CEP83: variants seen among roughly 807,000 people sequenced by gnomAD.
CEP83 encodes centrosomal protein 83.
A neutral mutation model predicts 101.9 loss-of-function variants in CEP83; 70 were observed. That is an observed-to-expected ratio of 0.69 (90% confidence interval 0.57 to 0.84). The LOEUF (loss-of-function observed/expected upper bound fraction) is 0.84. Among genes scored for constraint, CEP83 ranks in the 40% least tolerant of loss-of-function variants. The pLI, the probability that CEP83 is intolerant of heterozygous loss-of-function variation, is 0.00. For synonymous variants in CEP83, 264 were observed against 267.9 expected (o/e 0.99, Z 0.14); for missense variants, 715 against 787.2 (o/e 0.91, Z 1.10).
At chr12:94,271,086 CTCTCTT>C in the CEP83 span, among the ~76,000 whole-genome samples, 1 of 152,166 alleles carries the variant, frequency 6.6e-6, no homozygotes, top group African/African-American at 2.4e-5. Context: ...CTTGTTTCTT[CTCTCTT>C]TAATTCAGGT....
rs540946105 is a variant in CEP83 at position 94,352,086 on chromosome 12, C to T, written c.1343+15708G>A. On this transcript the variant is annotated intron_variant, in intron 11 of 16. Coordinates refer to ENST00000397809, the MANE Select transcript of CEP83 (RefSeq NM_016122.3). ...AGCTACTCCATAAAATAGAAAGAGA[C>T]AACTATTCTACCAGATGCACCCATA... is the stretch of plus-strand genomic sequence containing the variant. Among the ~76,000 whole-genome samples the T allele has an allele frequency of 2.9e-4, 44 of 152,246 alleles. No individual in the cohort carries two copies. In the South Asian group the frequency reaches 8.5e-3, roughly 29 times the overall value.
At chr12:94,328,907 T>C (rs143702344) in intron 14 of CEP83, among the ~76,000 whole-genome samples, 322 of 152,352 alleles carry the variant, frequency 2.1e-3, no homozygotes, top group Middle Eastern at 3.4e-3. Flanking sequence ...TGCTAACTTG[T>C]AAAAGCTATT....
the CEP83 span, among the ~76,000 whole-genome samples, chr12:94,300,331 G>A: frequency 6.6e-6 from 1 of 152,136 alleles, no homozygotes; most frequent in Admixed American, 6.5e-5. Context: ...AGAGGAGAGG[G>A]CATAAACCAT....
At chr12:94,456,707 A>G (rs1177032366) in intron 1 of CEP83, among the ~76,000 whole-genome samples, 1 of 152,202 alleles carries the variant, frequency 6.6e-6, no homozygotes, top group African/African-American at 2.4e-5. Flanking sequence ...AACCGCCGCC[A>G]TGATCCAATT....
intron 6 of CEP83, among the ~76,000 whole-genome samples, chr12:94,385,644 A>C (rs2062100186): frequency 1.3e-5 from 2 of 152,212 alleles, no homozygotes; most frequent in South Asian, 4.1e-4. Context: ...TTCACCAATG[A>C]ACCCACCTGG....
At chr12:94,309,501 A>C (rs1029636130) in intron 16 of CEP83, among the ~76,000 whole-genome samples, 6 of 152,216 alleles carry the variant, frequency 3.9e-5, no homozygotes, top group African/African-American at 1.4e-4. Context: ...TTATCTATGA[A>C]TTAGGAATAG....
Position 94,367,856 on chromosome 12 carries a change from T to G in CEP83, c.1281A>C (p.Glu427Asp), listed in dbSNP as rs375801758. 1 of 1,613,816 alleles carries G rather than the reference T, an allele frequency of 6.2e-7. No homozygotes were observed. The highest frequency in any genetic ancestry group is 8.5e-7 in the Non-Finnish European group (1 of 1,179,850). ...CCATCTGTGAAGCCCGCAATTTCTC[T>G]TCATACTGATCCTTTTCAGATTGCC... is the stretch of plus-strand genomic sequence containing the variant. ...VWRQSEKDQY[E>D]EKLRASQMAE... Residue 427 changes from glutamate to aspartate, a missense_variant, in exon 11 of 17, where the codon GAA becomes GAC. By Grantham distance (45) the Glu-to-Asp change is conservative (BLOSUM62 2). Coordinates refer to ENST00000397809, the MANE Select transcript of CEP83 (RefSeq NM_016122.3).
intron 6 of CEP83, among the ~76,000 whole-genome samples, chr12:94,396,919 T>A (rs2062936068): frequency 6.6e-6 from 1 of 152,256 alleles, no homozygotes; most frequent in Non-Finnish European, 1.5e-5. Context: ...GTTTTCAAAC[T>A]AAATTTGTTG....
chr12:94,424,539 G>C, intron 2 of CEP83: 1 of 1,613,670 alleles, frequency 6.2e-7, no homozygotes, highest in Non-Finnish European at 8.5e-7. Context: ...TCCATTGACA[G>C]TGGGAGGTTT....
chr12:94,388,856 G>A (rs2062331531), intron 6 of CEP83, among the ~76,000 whole-genome samples: 1 of 152,228 alleles, frequency 6.6e-6, no homozygotes, highest in Non-Finnish European at 1.5e-5. Flanking sequence ...GCTGGGTGCA[G>A]TGGCTCATGC....
At chr12:94,394,559 G>A (rs1163300520) in intron 6 of CEP83, among the ~76,000 whole-genome samples, 1 of 152,154 alleles carries the variant, frequency 6.6e-6, no homozygotes, top group African/African-American at 2.4e-5. Flanking sequence ...CAGGACATAG[G>A]CATGGGCAAG....
intron 2 of CEP83, among the ~76,000 whole-genome samples, chr12:94,433,157 T>C (rs2065766931): frequency 6.6e-6 from 1 of 152,206 alleles, no homozygotes; most frequent in Admixed American, 6.5e-5. Flanking sequence ...CTGGAATTTA[T>C]TCCATGGTCT....
In CEP83 at chr12:94,355,074, A is replaced by G. The variant is rs192971520; in HGVS notation, c.1343+12720T>C. ...ATAAAAATAAAAATGCAACATACCC[A>G]AAACCTATGCAATGAATACCACAAA... On this transcript the variant is annotated intron_variant, in intron 11 of 16. Transcript: ENST00000397809. 3.3e-5 allele frequency among the ~76,000 whole-genome samples: 5 copies of G among 152,276 alleles called. No individual in the cohort carries two copies. The East Asian group carries it at 9.6e-4, about 29-fold the overall frequency.
intron 11 of CEP83, among the ~76,000 whole-genome samples, chr12:94,365,373 T>C (rs1340808635): frequency 6.6e-6 from 1 of 152,226 alleles, no homozygotes; most frequent in Non-Finnish European, 1.5e-5. Context: ...GCGTATGATT[T>C]ACCTTTTGAC....
rs1332127700 is a variant in CEP83 at position 94,308,603 on chromosome 12, ATC to A, written c.*208_*209del. The A allele has an allele frequency of 3.4e-5, 12 of 347,826 alleles. No individual in the cohort carries two copies. The highest frequency in any genetic ancestry group is 1.9e-4 in the Admixed American group (4 of 21,484). The allele number at this position is 347,826 out of a possible 1,614,324, so 21.5% of individuals were successfully genotyped here. ...CAAACCATTGTCAAATATTCTAAAT[ATC>A]TCTGAGAATTTCTCTTTTAATGCTT... On this transcript the variant is annotated 3_prime_UTR_variant, in exon 17 of 17. Transcript: ENST00000397809.
chr12:94,313,424 C>T lies in CEP83; in HGVS notation c.1708-407G>A, dbSNP rs184502379. Reference sequence around the variant, plus strand: ...GTGGCTCATGCCTGTAATCCCAGTGCTTTGGGAGGCTGAGGCAGGAGGATG... The same window carrying T: ...GTGGCTCATGCCTGTAATCCCAGTGTTTTGGGAGGCTGAGGCAGGAGGATG... On this transcript the variant is annotated intron_variant, in intron 14 of 16. Transcript: ENST00000397809. Among the ~76,000 whole-genome samples, 8 of 150,398 alleles carry T rather than the reference C, an allele frequency of 5.3e-5. No individual in the cohort carries two copies. In the East Asian group the frequency reaches 1.6e-3, roughly 30 times the overall value.
chr12:94,369,989 T>A lies in CEP83; in HGVS notation c.981A>T (p.Lys327Asn). The A allele has an allele frequency of 6.2e-7, 1 of 1,611,286 alleles. No homozygotes were observed. Among genetic ancestry groups the A allele is most frequent in the Non-Finnish European group, 8.5e-7 (1 of 1,177,818 alleles). The change falls in exon 9 of 17, where the codon AAA (lysine) becomes AAT (asparagine). Residue 327 changes from lysine to asparagine, a missense_variant. Lys to Asn is a moderately conservative substitution (Grantham distance 94). Transcript: ENST00000397809. ...HSNKLEITDIKLETARAKSEL... is the reference protein window; with the variant it reads ...HSNKLEITDINLETARAKSEL... ...CACTCTTAGCTCTTGCTGTCTCCAGTTTGATGTCTGTTATTTCCAGTTTGT... is the reference window on the plus strand; with the variant it reads ...CACTCTTAGCTCTTGCTGTCTCCAGATTGATGTCTGTTATTTCCAGTTTGT...
At chr12:94,390,034 T>C (rs2062420194) in intron 6 of CEP83, among the ~76,000 whole-genome samples, 1 of 152,202 alleles carries the variant, frequency 6.6e-6, no homozygotes, top group Non-Finnish European at 1.5e-5. Context: ...CCTCTGTGGG[T>C]GGGGCATAGC....
chr12:94,273,380 C>G, the CEP83 span, among the ~76,000 whole-genome samples: 2 of 152,060 alleles, frequency 1.3e-5, no homozygotes, highest in African/African-American at 4.8e-5. Flanking sequence ...GACCTGATAG[C>G]CTGAGTGAGT....
Sources: allele counts gnomAD v4.1 joint callset (sites outside exome capture counted in the v4.1 genomes callset), GRCh38; gene constraint gnomAD v4.1.1; transcripts MANE v1.5; gene names NCBI Gene and HGNC (gene_info 2026-07-23, HGNC 2026-07-21).